PMPCB: variants seen among roughly 807,000 people sequenced by gnomAD.
The protein encoded by PMPCB is peptidase, mitochondrial processing subunit beta, also known as mitochondrial-processing peptidase subunit beta.
In PMPCB, 46 loss-of-function variants were observed where a neutral mutation model predicts 61.5. The ratio of observed to expected loss-of-function variants is 0.75; its 90% CI spans 0.59 to 0.96. The LOEUF (loss-of-function observed/expected upper bound fraction) is 0.96, where lower values mean the gene tolerates loss of function less well. PMPCB is among the 40% of genes least tolerant of loss of function. PMPCB has a pLI of 0.00. For missense variants in PMPCB, 590 were observed against 602.4 expected (o/e 0.98, Z 0.22); for synonymous variants, 191 against 201.6 (o/e 0.95, Z 0.44).
At chr7:103,341,981 T>G in the PMPCB span, 2 of 1,503,434 alleles carry the variant, frequency 1.3e-6, no homozygotes, top group African/African-American at 1.4e-5. Flanking sequence ...TAAGAGAGGC[T>G]TCAGTGTATC....
chr7:103,329,044 T>C (rs1818855350), exon 13 of PMPCB: 3 of 1,202,192 alleles, frequency 2.5e-6, no homozygotes, highest in Non-Finnish European at 3.2e-6. Flanking sequence ...TCAGCCACAG[T>C]ACGTCTAATT....
At chr7:103,318,260 G>A (rs566074969), downstream of PMPCB, among the ~76,000 whole-genome samples, 1 of 152,106 alleles carries the variant, frequency 6.6e-6, no homozygotes, top group East Asian at 1.9e-4. Flanking sequence ...TGACCTCCCA[G>A]GCTCAGGTAA....
chr7:103,311,539 A>C (rs1817752132), intron 9 of PMPCB, 104 bp from the exon 10 acceptor site: 3 of 736,670 alleles, frequency 4.1e-6, no homozygotes, highest in Non-Finnish European at 6.8e-6. Context: ...ATTAAATTGT[A>C]ATCACCTGTA....
rs1001464628 is a variant in PMPCB, at chr7:103,312,755, C to T, written c.*484C>T. The T allele has an allele frequency of 3.9e-6, 6 of 1,526,850 alleles. No individual in the cohort carries two copies. The highest frequency in any genetic ancestry group is 1.4e-5 in the African/African-American group (1 of 71,652). The allele number at this position is 1,526,850 out of a possible 1,614,324, so 94.6% of individuals were successfully genotyped here. A position where few individuals can be genotyped will look rare whatever the true frequency, so the allele number is the denominator to read the frequency against. On this transcript the variant is annotated 3_prime_UTR_variant, in exon 13 of 13. Transcript: ENST00000249269. The stretch of plus-strand genomic sequence containing the variant: ...ACTAAGATAGATAGTACTAAATATA[C>T]TGATTTCATTATCTGCCAGGGCCTA...
At chr7:103,327,570 CTACAG>C (rs1031709170) in intron 12 of PMPCB, 1 of 859,510 alleles carries the variant, frequency 1.2e-6, no homozygotes, top group African/African-American at 1.7e-5. Flanking sequence ...GTTGAATGAA[CTACAG>C]TATGCATAAG....
the PMPCB span, chr7:103,344,683 G>A: frequency 1.9e-6 from 3 of 1,563,536 alleles, no homozygotes; most frequent in Non-Finnish European, 2.6e-6. Context: ...AGGGCGCTTA[G>A]GGTCCCCTCC....
chr7:103,343,131 C>T, the PMPCB span, among the ~76,000 whole-genome samples: 2 of 152,116 alleles, frequency 1.3e-5, no homozygotes, highest in African/African-American at 4.8e-5. Context: ...TCCCAAGTTG[C>T]TGGGATTATA....
In PMPCB at chr7:103,312,661, T is replaced by C. The variant is rs749858124; in HGVS notation, c.*390T>C. ...ACAAGTTCCTAGGAAGGGAGAAAGG[T>C]GTGATTTAAGAAGTTGCGATTTAAA... On this transcript the variant is annotated 3_prime_UTR_variant, in exon 13 of 13. Transcript: ENST00000249269. 5 of 1,607,546 alleles carry C rather than the reference T, an allele frequency of 3.1e-6. No individual in the cohort carries two copies. In the African/African-American group the frequency reaches 6.7e-5, roughly 22 times the overall value.
At chr7:103,327,523 T>G in intron 12 of PMPCB, 1 of 718,008 alleles carries the variant, frequency 1.4e-6, no homozygotes, top group South Asian at 1.9e-5. Flanking sequence ...TAGAAAGAAC[T>G]TGATATAACT....
At position 103,313,115 on chromosome 7, in the gene PMPCB, A is replaced by G; in HGVS notation, c.*844A>G. On this transcript the variant is annotated 3_prime_UTR_variant, in exon 13 of 13. Coordinates refer to ENST00000249269, the MANE Select transcript of PMPCB (RefSeq NM_004279.3). ...CTGTATATGGACCTGATTAAGAAAA[A>G]TTTTTATTTGAAAACTGTCTTTGAA... 4 of 1,592,720 alleles carry G rather than the reference A, an allele frequency of 2.5e-6. No homozygotes were observed. The highest frequency in any genetic ancestry group is 4.5e-5 in the East Asian group (2 of 44,632).
chr7:103,298,636 T>G lies in PMPCB; in HGVS notation c.168T>G (p.Pro56=). 1 of 1,613,886 alleles carries G rather than the reference T, an allele frequency of 6.2e-7. No homozygotes were observed. The highest frequency in any genetic ancestry group is 8.5e-7 in the Non-Finnish European group (1 of 1,179,740). The change falls in exon 2 of 13, where the codon CCT becomes CCG. Residue 56 remains proline (P), a synonymous_variant. Transcript: ENST00000249269. The part of the protein sequence containing the change: ...QAATQVVLNV[P]ETRVTCLESG... ...CTACCCAAGTTGTTCTGAATGTTCC[T>G]GAAACAAGAGTAACATGTTTAGAAA...
rs551520573 is a variant in PMPCB at position 103,322,453 on chromosome 7, G to A, written c.*1432-6478G>A. 16 of 1,373,596 alleles carry A rather than the reference G, an allele frequency of 1.2e-5. No individual in the cohort carries two copies. In the African/African-American group the frequency reaches 1.9e-4, roughly 16 times the overall value. The allele number at this position is 1,373,596 out of a possible 1,614,324, so 85.1% of individuals were successfully genotyped here. A position where few individuals can be genotyped will look rare whatever the true frequency, so the allele number is the denominator to read the frequency against. On this transcript the variant is annotated intron_variant and NMD_transcript_variant, in intron 12 of 12. Transcript: ENST00000444457. ...TTTAAAAAAAGATGTGAAGATTAAA[G>A]TGAAGATTAAAGATTTCATAAACAT... is the stretch of plus-strand genomic sequence containing the variant.
At chr7:103,329,356 A>C (rs1465962260) in exon 13 of PMPCB, 1 of 156,970 alleles carries the variant, frequency 6.4e-6, no homozygotes, top group East Asian at 1.9e-4. Context: ...CTTCCGGCCA[A>C]GTCGGCTCTA....
downstream of PMPCB, among the ~76,000 whole-genome samples, chr7:103,331,691 T>C (rs777955412): frequency 6.6e-6 from 1 of 152,228 alleles, no homozygotes; most frequent in Non-Finnish European, 1.5e-5. Context: ...GACGTTTCAT[T>C]CTTTTTTATG....
chr7:103,330,144 A>C (rs762680726), downstream of PMPCB, among the ~76,000 whole-genome samples: 19 of 152,212 alleles, frequency 1.2e-4, no homozygotes, highest in Non-Finnish European at 1.8e-4. Flanking sequence ...TTCACTACCT[A>C]CTCAGGAAAT....
rs543145349 is a variant in PMPCB, at chr7:103,321,541, ATTTT to A, written c.*1432-7382_*1432-7379del. ...TCAAATAAATAAATAAATAAAAATAATTTTTTTTTTTCAAGAAATATTTTGGCTG... is the reference window on the plus strand; with the variant it reads ...TCAAATAAATAAATAAATAAAAATAATTTTTTTCAAGAAATATTTTGGCTG... On this transcript the variant is annotated intron_variant and NMD_transcript_variant, in intron 12 of 12. Coordinates refer to the PMPCB transcript ENST00000444457. 1.2e-3 allele frequency among the ~76,000 whole-genome samples: 183 copies of A among 148,752 alleles called. 5 individuals carry two copies. In the East Asian group the frequency reaches 0.035, roughly 29 times the overall value.
At chr7:103,345,941 T>C in the PMPCB span, among the ~76,000 whole-genome samples, 18 of 151,534 alleles carry the variant, frequency 1.2e-4, no homozygotes, top group Middle Eastern at 3.4e-3. Flanking sequence ...AGACCCCGTC[T>C]TTAAAAAAAA....
intron 12 of PMPCB, chr7:103,326,669 G>A (rs1447668898): frequency 6.2e-7 from 1 of 1,607,020 alleles, no homozygotes; most frequent in Non-Finnish European, 8.5e-7. Context: ...CACTGGATCA[G>A]ATAACATTTC....
intron 12 of PMPCB, among the ~76,000 whole-genome samples, chr7:103,321,208 C>T (rs114410434): frequency 0.048 from 7,353 of 151,760 alleles, 239 homozygotes; most frequent in African/African-American, 0.081. Flanking sequence ...ACAACAATAA[C>T]AAAAACTTAA....
Sources: gnomAD v4.1 joint callset for allele counts (sites outside exome capture counted in the v4.1 genomes callset) on GRCh38, gnomAD v4.1.1 for gene constraint, MANE v1.5 for transcripts, NCBI Gene and HGNC (gene_info 2026-07-23, HGNC 2026-07-21) for gene names.